Variants in PCDHA9 observed in about 807,000 individuals in gnomAD.
PCDHA9 encodes protocadherin alpha-9.
A neutral mutation model predicts 62.0 loss-of-function variants in PCDHA9; 62 were observed. The ratio of observed to expected loss-of-function variants is 1.00; its 90% CI spans 0.81 to 1.23. The LOEUF is 1.23. Ranked by LOEUF, PCDHA9 falls within the 50% of genes most tolerant of loss-of-function variation. The pLI is 0.00. For missense variants in PCDHA9, 1,205 were observed against 1,249.8 expected (o/e 0.96, Z 0.54); for synonymous variants, 557 against 567.6 (o/e 0.98, Z 0.27).
intron 1 of PCDHA9, among the ~76,000 whole-genome samples, chr5:140,921,987 G>T (rs1414139435): frequency 6.6e-6 from 1 of 151,868 alleles, no homozygotes; most frequent in Non-Finnish European, 1.5e-5. Context: ...AACTAAAAAA[G>T]AGTTCAATGA....
At position 140,850,757 on chromosome 5, in the gene PCDHA9, G is replaced by C. The variant is rs1554144879; in HGVS notation, c.2262G>C (p.Arg754Ser). Residue 754 changes from arginine (R) to serine (S), a missense_variant, in exon 1 of 4, where the codon AGG becomes AGC. Coordinates refer to ENST00000532602, the MANE Select transcript of PCDHA9 (RefSeq NM_031857.2). ...AVGSWSYSQQ[R>S]RQRVCSGEGK... is the part of the protein sequence containing the mutation. ...GGAGTTGGTCGTACTCGCAGCAGAGGAGGCAGAGGGTGTGCTCTGGCGAGG... is the reference window on the plus strand; with the variant it reads ...GGAGTTGGTCGTACTCGCAGCAGAGCAGGCAGAGGGTGTGCTCTGGCGAGG... The C allele has an allele frequency of 1.3e-5, 20 of 1,597,958 alleles. 2 individuals are homozygous for C. The highest frequency in any genetic ancestry group is 1.4e-5 in the Non-Finnish European group (16 of 1,167,660).
intron 1 of PCDHA9, chr5:140,870,635 C>T (rs1365729454): frequency 1.9e-6 from 3 of 1,612,850 alleles, no homozygotes; most frequent in Non-Finnish European, 2.5e-6. Flanking sequence ...TCGGTGCACG[C>T]GGAGAGCGGC....
At chr5:140,882,577 C>A (rs370671644) in intron 1 of PCDHA9, 3 of 1,614,238 alleles carry the variant, frequency 1.9e-6, no homozygotes, top group South Asian at 2.2e-5. Flanking sequence ...CGGAGTGCAG[C>A]ATCCACCTGG....
intron 2 of PCDHA9, 164 bp downstream of exon 2, chr5:140,979,171 C>T (rs1586797637): frequency 4.2e-6 from 4 of 960,866 alleles, no homozygotes; most frequent in South Asian, 4.8e-5. Context: ...CTTGAAAGAT[C>T]GCAAATGGTC....
intron 1 of PCDHA9, among the ~76,000 whole-genome samples, chr5:140,888,358 C>T (rs2061801167): frequency 6.6e-6 from 1 of 152,178 alleles, no homozygotes; most frequent in Non-Finnish European, 1.5e-5. Flanking sequence ...TTGCTACTGG[C>T]ATCTAATAAT....
intron 1 of PCDHA9, among the ~76,000 whole-genome samples, chr5:140,974,864 C>A (rs949061887): frequency 3.9e-5 from 6 of 152,124 alleles, no homozygotes; most frequent in Non-Finnish European, 8.8e-5. Flanking sequence ...TGCCTTAATG[C>A]GGAACAGTCT....
rs782517492 is a variant in PCDHA9, at chr5:140,857,455, A to G, written c.2394+6566A>G. The G allele has an allele frequency of 3.4e-5, 54 of 1,598,538 alleles. 6 individuals carry two copies. Among genetic ancestry groups the G allele is most frequent in the Admixed American group, 1.0e-4 (6 of 59,344 alleles). On this transcript the variant is annotated intron_variant, in intron 1 of 3. Transcript: ENST00000532602. ...TGTTCGTGAAGGAGAACAACCCGCC[A>G]GGCTGCCACATCTTCACGGTGTCTG...
chr5:140,875,525 T>C, intron 1 of PCDHA9: 1 of 1,614,132 alleles, frequency 6.2e-7, no homozygotes, highest in Non-Finnish European at 8.5e-7. Flanking sequence ...CTGCTCTCGC[T>C]TCTGCTCCTT....
At chr5:140,941,901 GA>G (rs782298792) in intron 1 of PCDHA9, among the ~76,000 whole-genome samples, 1 of 152,130 alleles carries the variant, frequency 6.6e-6, no homozygotes, top group African/African-American at 2.4e-5. Context: ...AAGTAACATT[GA>G]AATGCTTTTA....
chr5:140,966,488 C>G (rs1161799910), intron 1 of PCDHA9: 7 of 440,132 alleles, frequency 1.6e-5, no homozygotes, highest in East Asian at 1.1e-4. Context: ...TTTCCCTCCC[C>G]CTGGAGCTGT....
intron 3 of PCDHA9, among the ~76,000 whole-genome samples, chr5:141,001,297 A>G (rs1367498675): frequency 1.3e-5 from 2 of 152,202 alleles, no homozygotes; most frequent in African/African-American, 2.4e-5. Context: ...ACTGAGGCCC[A>G]GAGATATGAA....
intron 1 of PCDHA9, chr5:140,857,507 G>A (rs782043318): frequency 1.3e-6 from 2 of 1,598,186 alleles, no homozygotes; most frequent in South Asian, 1.1e-5. Context: ...GCAGGAGAAC[G>A]CCCTGGTGTC....
At position 140,947,043 on chromosome 5, in the gene PCDHA9, G is replaced by T. The variant is rs188994500; in HGVS notation, c.2395-31906G>T. Among the ~76,000 whole-genome samples the T allele has an allele frequency of 1.7e-3, 259 of 151,702 alleles. 2 individuals carry two copies. Among genetic ancestry groups the T allele is most frequent in the African/African-American group, 5.9e-3 (243 of 41,466 alleles). On this transcript the variant is annotated intron_variant, in intron 1 of 3. Transcript: ENST00000532602. ...AGGTAATGGATATACTAATTACCCT[G>T]ATTTGATCATTACACAGTGTATATA... is the stretch of plus-strand genomic sequence containing the variant.
In PCDHA9 at chr5:141,010,806, C is replaced by T. The variant is rs1404036886; in HGVS notation, c.*869C>T. ...GCAAAAGCAAAAGAAAACCCCGACA[C>T]CTCACCTTTCGCTGTTTGTTGTTTC... On this transcript the variant is annotated 3_prime_UTR_variant, in exon 4 of 4. Transcript: ENST00000532602. 2 of 153,736 alleles carry T rather than the reference C, an allele frequency of 1.3e-5. No individual in the cohort carries two copies. Among genetic ancestry groups the T allele is most frequent in the Non-Finnish European group, 1.5e-5 (1 of 68,048 alleles). 9.5% of individuals were successfully genotyped at this position (153,736 alleles called of 1,614,324 possible).
At position 140,857,364 on chromosome 5, in the gene PCDHA9, G is replaced by A. The variant is rs1464300143; in HGVS notation, c.2394+6475G>A. The A allele has an allele frequency of 2.5e-6, 4 of 1,598,296 alleles. No individual in the cohort carries two copies. In the East Asian group the frequency reaches 8.9e-5, roughly 36 times the overall value. On this transcript the variant is annotated intron_variant, in intron 1 of 3. Coordinates refer to ENST00000532602, the MANE Select transcript of PCDHA9 (RefSeq NM_031857.2). ...TCGCCTCCGCTGTGGGCCACGGCCA[G>A]CGTGTCTGTGGAGGTGGCCGACGTG...
intron 1 of PCDHA9, among the ~76,000 whole-genome samples, chr5:140,923,382 G>A (rs1554201427): frequency 6.6e-6 from 1 of 152,114 alleles, no homozygotes; most frequent in Non-Finnish European, 1.5e-5. Context: ...TTAAAAATTA[G>A]TTGGGCATGG....
At chr5:140,876,577 A>T in intron 1 of PCDHA9, 2 of 1,614,182 alleles carry the variant, frequency 1.2e-6, no homozygotes, top group Non-Finnish European at 1.7e-6. Flanking sequence ...GGGTACCGTC[A>T]TTGCCCTGAT....
At chr5:140,855,799 A>C (rs1356663466) in intron 1 of PCDHA9, 4 of 472,784 alleles carry the variant, frequency 8.5e-6, no homozygotes, top group Non-Finnish European at 1.5e-5. Context: ...TTAACATATG[A>C]ATGAAAGAAA....
rs782568393 is a variant in PCDHA9 at position 141,011,637 on chromosome 5, C to G, written c.*1700C>G. The G allele has an allele frequency of 2.0e-5, 3 of 153,526 alleles. No homozygotes were observed. Among genetic ancestry groups the G allele is most frequent in the Non-Finnish European group, 4.4e-5 (3 of 68,022 alleles). The allele number at this position is 153,526 out of a possible 1,614,324, so 9.5% of individuals were successfully genotyped here. ...GGTCCAGCCAAGAGCCATCTCGTGC[C>G]AAGACTTCTGCTGGCAAGGGAATGG... is the stretch of plus-strand genomic sequence containing the variant. On this transcript the variant is annotated 3_prime_UTR_variant, in exon 4 of 4. Transcript: ENST00000532602.
Sources: allele counts gnomAD v4.1 joint callset (sites outside exome capture counted in the v4.1 genomes callset), GRCh38; gene constraint gnomAD v4.1.1; transcripts MANE v1.5; gene names NCBI Gene and HGNC (gene_info 2026-07-23, HGNC 2026-07-21).